The following MAGI2 variants were observed in gnomAD, a reference collection of about 807,000 sequenced individuals.
MAGI2 encodes the protein membrane associated guanylate kinase, WW and PDZ domain containing 2.
In MAGI2, 35 loss-of-function variants were observed where a neutral mutation model predicts 133.3. The ratio of observed to expected loss-of-function variants is 0.26; its 90% CI spans 0.20 to 0.35. The LOEUF is 0.35. Among genes scored for constraint, MAGI2 ranks in the 10% least tolerant of loss-of-function variants. The pLI, the probability that MAGI2 is intolerant of heterozygous loss-of-function variation, is 1.00. For synonymous variants in MAGI2, 729 were observed against 710.6 expected, an observed-to-expected ratio of 1.03 and a Z score of -0.41; for missense variants, 1,636 against 1,863.4, an observed-to-expected ratio of 0.88 and a Z score of 2.25.
chr7:79,093,164 A>G (rs1311218934), intron 1 of MAGI2, among the ~76,000 whole-genome samples: 1 of 151,676 alleles, frequency 6.6e-6, no homozygotes, highest in African/African-American at 2.4e-5. Flanking sequence ...AGAGCTGATT[A>G]TCAGCTCTAT....
rs779365635 is a variant in MAGI2, at chr7:78,135,094, C to A, written c.2958G>T (p.Met986Ile). The A allele has an allele frequency of 7.4e-6, 12 of 1,614,012 alleles. No individual in the cohort carries two copies. Among genetic ancestry groups the A allele is most frequent in the Non-Finnish European group, 9.3e-6 (11 of 1,180,024 alleles). Residue 986 changes from methionine (M) to isoleucine (I), a missense_variant, in exon 17 of 22, where the codon ATG becomes ATT. Physicochemically the swap from Met to Ile is conservative, Grantham distance 10. This residue lies in a region of MAGI2 where 920 missense variants were observed against 1,093.5 expected (regional missense o/e 0.84). Coordinates refer to ENST00000354212, the MANE Select transcript of MAGI2 (RefSeq NM_012301.4). The part of the protein sequence containing the change: ...LAVNGQSIIN[M>I]PHADIVKLIK... ...TGAGCTTCACGATGTCAGCGTGAGG[C>A]ATGTTGATGATAGACTGGCCATTCA... is the stretch of plus-strand genomic sequence containing the variant.
At chr7:78,620,748 C>A (rs1384413996) in intron 3 of MAGI2, among the ~76,000 whole-genome samples, 1 of 151,942 alleles carries the variant, frequency 6.6e-6, no homozygotes. Flanking sequence ...GACAATATTA[C>A]AATTGGGCTT....
chr7:79,229,082 T>A (rs766895557), intron 1 of MAGI2, among the ~76,000 whole-genome samples: 1 of 151,156 alleles, frequency 6.6e-6, no homozygotes, highest in Non-Finnish European at 1.5e-5. Context: ...TATACGACAA[T>A]GATTTTTTTT....
chr7:78,731,057 C>CTT (rs1274025556), intron 2 of MAGI2, among the ~76,000 whole-genome samples: 1 of 152,030 alleles, frequency 6.6e-6, no homozygotes, highest in East Asian at 1.9e-4. Context: ...AAAAAAGCTC[C>CTT]TTACAATGTT....
At chr7:79,070,579 C>T (rs1044455539) in intron 1 of MAGI2, among the ~76,000 whole-genome samples, 1 of 152,050 alleles carries the variant, frequency 6.6e-6, no homozygotes, top group Admixed American at 6.5e-5. Flanking sequence ...GCAAGCTCCA[C>T]CTCCCGGGTT....
At chr7:78,273,055 G>A (rs1794738276) in intron 9 of MAGI2, among the ~76,000 whole-genome samples, 1 of 152,062 alleles carries the variant, frequency 6.6e-6, no homozygotes, top group Non-Finnish European at 1.5e-5. Flanking sequence ...TTACAATTTG[G>A]CATGTTTTTG....
intron 3 of MAGI2, among the ~76,000 whole-genome samples, chr7:78,547,593 A>T (rs775609647): frequency 1.7e-4 from 26 of 152,236 alleles, no homozygotes; most frequent in Non-Finnish European, 3.5e-4. Context: ...CTATCCCACA[A>T]GCTCAGGGTG....
At chr7:78,974,486 T>A (rs898967479) in intron 2 of MAGI2, among the ~76,000 whole-genome samples, 3 of 151,916 alleles carry the variant, frequency 2.0e-5, no homozygotes, top group Non-Finnish European at 4.4e-5. Context: ...AGTTTCATAA[T>A]TTTCAGTTCC....
chr7:78,476,909 A>G (rs973695884), intron 6 of MAGI2, among the ~76,000 whole-genome samples: 2 of 151,950 alleles, frequency 1.3e-5, no homozygotes, highest in Admixed American at 6.6e-5. Flanking sequence ...TTTTTAAAAA[A>G]TCATCATCAG....
intron 1 of MAGI2, among the ~76,000 whole-genome samples, chr7:79,311,696 C>A (rs544255387): frequency 1.3e-5 from 2 of 152,210 alleles, no homozygotes; most frequent in South Asian, 4.2e-4. Flanking sequence ...ATGTCAGGTT[C>A]ATATTCCCAC....
intron 2 of MAGI2, among the ~76,000 whole-genome samples, chr7:78,979,019 G>A (rs992053734): frequency 6.6e-6 from 1 of 151,850 alleles, no homozygotes; most frequent in Admixed American, 6.6e-5. Flanking sequence ...AATAATCCAT[G>A]TAGTAATGGA....
chr7:78,582,739 T>C (rs77717666), intron 3 of MAGI2, among the ~76,000 whole-genome samples: 104 of 152,336 alleles, frequency 6.8e-4, no homozygotes, highest in African/African-American at 2.4e-3. Flanking sequence ...TTACGGCAGC[T>C]AGCATTAAGT....
At chr7:78,033,824 T>A (rs979746640) in intron 21 of MAGI2, among the ~76,000 whole-genome samples, 1 of 151,806 alleles carries the variant, frequency 6.6e-6, no homozygotes, top group African/African-American at 2.4e-5. Context: ...GGGATGGTGG[T>A]GGAAGAGGTG....
At chr7:78,891,802 C>A (rs1796776317) in intron 2 of MAGI2, among the ~76,000 whole-genome samples, 1 of 152,130 alleles carries the variant, frequency 6.6e-6, no homozygotes, top group Non-Finnish European at 1.5e-5. Flanking sequence ...GGAAGCATTC[C>A]CTTTGAAAAC....
chr7:78,473,704 CAT>C (rs1791458170), intron 6 of MAGI2, among the ~76,000 whole-genome samples: 1 of 151,960 alleles, frequency 6.6e-6, no homozygotes, highest in South Asian at 2.1e-4. Flanking sequence ...TACATACACA[CAT>C]ATTTCTTCCC....
At position 78,195,017 on chromosome 7, in the gene MAGI2, G is replaced by A. The variant is rs374693913; in HGVS notation, c.2126C>T (p.Ser709Phe). 10 of 1,613,284 alleles carry A rather than the reference G, an allele frequency of 6.2e-6. No homozygotes were observed. Among genetic ancestry groups the A allele is most frequent in the Non-Finnish European group, 8.5e-6 (10 of 1,179,682 alleles). The change falls in exon 12 of 22, where the codon TCT (serine) becomes TTT (phenylalanine). Residue 709 changes from serine (S) to phenylalanine (F), a missense_variant. Transcript: ENST00000354212. ...CAGGTTCTGCGGTATGGCCGGAGCA[G>A]ATAAACTCGTTTGAGGACTGCCTTG... Reference protein sequence around the residue: ...ENQGSPQTSLSAPAIPQNLPF... With the variant: ...ENQGSPQTSLFAPAIPQNLPF...
intron 9 of MAGI2, among the ~76,000 whole-genome samples, chr7:78,271,282 C>G (rs926650311): frequency 6.6e-6 from 1 of 151,640 alleles, no homozygotes; most frequent in African/African-American, 2.4e-5. Context: ...ATTGAACCAG[C>G]CTTGCATCCC....
chr7:79,425,620 G>T (rs1450125437), intron 1 of MAGI2, among the ~76,000 whole-genome samples: 2 of 148,848 alleles, frequency 1.3e-5, no homozygotes, highest in Non-Finnish European at 3.0e-5. Context: ...GTATATATAC[G>T]TTTTGATTAC....
At chr7:78,446,378 A>T (rs1788142226) in intron 6 of MAGI2, among the ~76,000 whole-genome samples, 1 of 152,100 alleles carries the variant, frequency 6.6e-6, no homozygotes, top group Non-Finnish European at 1.5e-5. Flanking sequence ...TAATCAACAT[A>T]TCCTGGAAGG....
Sources: gnomAD v4.1 joint callset for allele counts (sites outside exome capture counted in the v4.1 genomes callset) on GRCh38, gnomAD v4.1.1 for gene constraint, gnomAD v4.1.1 regional missense constraint, MANE v1.5 for transcripts, NCBI Gene and HGNC (gene_info 2026-07-23, HGNC 2026-07-21) for gene names.